The following TECPR2 variants were observed in gnomAD, a reference collection of about 807,000 sequenced individuals.
TECPR2 encodes the protein tectonin beta-propeller repeat-containing protein 2.
TECPR2 carries 65 observed loss-of-function variants against 138.1 expected under a neutral mutation model. The observed-to-expected ratio is 0.47, with a 90% CI of 0.39 to 0.58. TECPR2 has a LOEUF of 0.58. TECPR2 is among the 20% of genes least tolerant of loss of function. The pLI is 0.00. For synonymous variants in TECPR2, 746 were observed against 749.8 expected (o/e 0.99, Z 0.08); for missense variants, 1,553 against 1,824.5 (o/e 0.85, Z 2.71).
At position 102,371,111 on chromosome 14, in the gene TECPR2, G is replaced by A. The variant is rs532000029; in HGVS notation, c.-72-5539G>A. Among the ~76,000 whole-genome samples, 38 of 152,262 alleles carry A rather than the reference G, an allele frequency of 2.5e-4. No individual in the cohort carries two copies. The South Asian group carries it at 6.7e-3, about 27-fold the overall frequency. Reference sequence around the variant, plus strand: ...GGTAGTTTTAGGAGCATTGGGATTTGAACTTGGGTCTTTTTCACTTCAGTA... The same window carrying A: ...GGTAGTTTTAGGAGCATTGGGATTTAAACTTGGGTCTTTTTCACTTCAGTA... On this transcript the variant is annotated intron_variant, in intron 1 of 19. Coordinates refer to ENST00000359520, the MANE Select transcript of TECPR2 (RefSeq NM_014844.5).
chr14:102,372,889 C>T (rs1184594670), intron 1 of TECPR2, among the ~76,000 whole-genome samples: 1 of 151,876 alleles, frequency 6.6e-6, no homozygotes. Context: ...CACTGCACTC[C>T]AGCATGGGCG....
At chr14:102,472,423 A>G (rs1487264793) in intron 17 of TECPR2, among the ~76,000 whole-genome samples, 8 of 152,246 alleles carry the variant, frequency 5.3e-5, no homozygotes, top group Non-Finnish European at 1.2e-4. Context: ...AAATGGCCAA[A>G]ATAGAACAAA....
chr14:102,394,341 C>T (rs1414166410), intron 2 of TECPR2, among the ~76,000 whole-genome samples: 3 of 152,166 alleles, frequency 2.0e-5, no homozygotes, highest in East Asian at 3.9e-4. Context: ...CACGGTGGCT[C>T]ACACCTGTAA....
At chr14:102,398,306 T>G (rs1349743556) in intron 2 of TECPR2, among the ~76,000 whole-genome samples, 1 of 152,012 alleles carries the variant, frequency 6.6e-6, no homozygotes, top group Admixed American at 6.6e-5. Context: ...AATTATCAAG[T>G]CTGACAAACA....
intron 13 of TECPR2, 90 bp from the exon 14 acceptor site, chr14:102,449,539 T>TG: frequency 1.3e-6 from 2 of 1,559,546 alleles, no homozygotes; most frequent in Non-Finnish European, 1.7e-6. Context: ...TGCAGAGGTG[T>TG]GGACCTGAGC....
intron 17 of TECPR2, among the ~76,000 whole-genome samples, chr14:102,480,841 GTTTTTTT>G (rs71119706): frequency 2.7e-5 from 2 of 75,182 alleles, no homozygotes. Flanking sequence ...TTGGTTTTGG[GTTTTTTT>G]TTTTTTTTTT....
chr14:102,478,419 G>T (rs1167817583), intron 17 of TECPR2, among the ~76,000 whole-genome samples: 1 of 151,798 alleles, frequency 6.6e-6, no homozygotes, highest in African/African-American at 2.4e-5. Context: ...GGTGGCTCAT[G>T]CCTATAATCC....
Position 102,443,553 on chromosome 14 carries a change from A to G in TECPR2, c.2753-94A>G. 2 of 1,242,470 alleles carry G rather than the reference A, an allele frequency of 1.6e-6. No individual in the cohort carries two copies. Among genetic ancestry groups the G allele is most frequent in the East Asian group, 2.8e-5 (1 of 36,274 alleles). 77.0% of individuals were successfully genotyped at this position (1,242,470 alleles called of 1,614,324 possible). A position where few individuals can be genotyped will look rare whatever the true frequency, so the allele number is the denominator to read the frequency against. ...TCATCATAAAAGAATATAGCAAAAT[A>G]CCAAAAAAGGAAAAATAAGCCAATA... is the stretch of plus-strand genomic sequence containing the variant. On this transcript the variant is annotated intron_variant, in intron 11 of 19. Coordinates refer to ENST00000359520, the MANE Select transcript of TECPR2 (RefSeq NM_014844.5). This position sits in a 1 kb window ranked among gnomAD's most constrained non-coding sequence, Gnocchi z 4.9.
chr14:102,494,565 G>T (rs531422863), intron 17 of TECPR2, among the ~76,000 whole-genome samples: 1 of 151,386 alleles, frequency 6.6e-6, no homozygotes, highest in Admixed American at 6.6e-5. Flanking sequence ...GGTGGCTCAC[G>T]CCTGTAATCC....
At chr14:102,399,635 C>T (rs1276572992) in intron 2 of TECPR2, among the ~76,000 whole-genome samples, 3 of 152,250 alleles carry the variant, frequency 2.0e-5, no homozygotes, top group East Asian at 1.9e-4. Context: ...TGGAGACCAT[C>T]TTGGCCAACA....
At position 102,435,573 on chromosome 14, in the gene TECPR2, T is replaced by C. The variant is rs77464077; in HGVS notation, c.2394+362T>C. On this transcript the variant is annotated intron_variant, in intron 9 of 19. Transcript: ENST00000359520. The stretch of plus-strand genomic sequence containing the variant: ...CAGAAAACCAGTGGGCAGAGGACTG[T>C]CCACCTGTGGAGTAGAGAAAGCTCT... 5.3e-4 allele frequency among the ~76,000 whole-genome samples: 81 copies of C among 152,316 alleles called. No individual in the cohort carries two copies. The East Asian group carries it at 0.012, about 23-fold the overall frequency.
chr14:102,414,486 A>C (rs1888968743), intron 4 of TECPR2, 150 bp from the exon 5 acceptor site: 11 of 901,000 alleles, frequency 1.2e-5, no homozygotes, highest in Non-Finnish European at 1.5e-5. Flanking sequence ...TGGTGGGTTG[A>C]GAGTGAATCT....
intron 2 of TECPR2, among the ~76,000 whole-genome samples, chr14:102,387,161 AAATG>A (rs1888030057): frequency 6.6e-6 from 1 of 152,334 alleles, no homozygotes; most frequent in South Asian, 2.1e-4. Context: ...TTATGTTTTT[AAATG>A]AAGTTATGTT....
At chr14:102,485,216 T>C (rs990285307) in intron 17 of TECPR2, among the ~76,000 whole-genome samples, 1 of 152,232 alleles carries the variant, frequency 6.6e-6, no homozygotes, top group East Asian at 1.9e-4. Flanking sequence ...GAGTGGTATT[T>C]AGGTGCTGGT....
At chr14:102,493,235 G>T (rs939250211) in intron 17 of TECPR2, among the ~76,000 whole-genome samples, 9 of 152,216 alleles carry the variant, frequency 5.9e-5, no homozygotes, top group African/African-American at 1.9e-4. Context: ...GGCAGTGTGT[G>T]GGGGAGTCCT....
At chr14:102,406,070 T>G in intron 2 of TECPR2, among the ~76,000 whole-genome samples, 1 of 146,946 alleles carries the variant, frequency 6.8e-6, no homozygotes, top group East Asian at 2.0e-4. Flanking sequence ...TGCCAGGGGC[T>G]GGGGGGAGGG....
At chr14:102,401,237 G>A (rs1169120221) in intron 2 of TECPR2, among the ~76,000 whole-genome samples, 1 of 151,804 alleles carries the variant, frequency 6.6e-6, no homozygotes, top group Non-Finnish European at 1.5e-5. Flanking sequence ...TCAGGAGTTC[G>A]AGACCAGCCT....
At chr14:102,368,285 A>G (rs1887400153) in intron 1 of TECPR2, among the ~76,000 whole-genome samples, 1 of 152,052 alleles carries the variant, frequency 6.6e-6, no homozygotes, top group Non-Finnish European at 1.5e-5. Context: ...CTGGGATTAC[A>G]GATGTGAGCC....
rs1382573843 is a variant in TECPR2 at position 102,440,417 on chromosome 14, A to G, written c.2579-19A>G. 6.2e-7 allele frequency: 1 copy of G among 1,612,842 alleles called. No individual in the cohort carries two copies. Among genetic ancestry groups the G allele is most frequent in the East Asian group, 2.2e-5 (1 of 44,878 alleles). ...TTCTAGTATTTATTGGACAGTGAAT[A>G]GAATTTTTATTTCCATAGGAGCCCT... On this transcript the variant is annotated intron_variant, in intron 10 of 19. Coordinates refer to ENST00000359520, the MANE Select transcript of TECPR2 (RefSeq NM_014844.5).
Sources: allele counts gnomAD v4.1 joint callset (sites outside exome capture counted in the v4.1 genomes callset), GRCh38; gene constraint gnomAD v4.1.1; non-coding constraint Gnocchi (gnomAD v3.1); transcripts MANE v1.5; gene names NCBI Gene and HGNC (gene_info 2026-07-23, HGNC 2026-07-21).